GALNT13: variants seen among roughly 807,000 people sequenced by gnomAD.
GALNT13 encodes the protein UDP-GalNAc:polypeptide N-acetylgalactosaminyltransferase 13.
GALNT13 carries 28 observed loss-of-function variants against 64.2 expected under a neutral mutation model. That is an observed-to-expected ratio of 0.44 (90% CI 0.32 to 0.60). The LOEUF (loss-of-function observed/expected upper bound fraction) is 0.60. GALNT13 is among the 20% of genes least tolerant of loss of function. The pLI is 0.05. For synonymous variants in GALNT13, 214 were observed against 224.6 expected (o/e 0.95, Z 0.42); for missense variants, 577 against 669.8 (o/e 0.86, Z 1.53).
chr2:153,149,618 C>G, the GALNT13 span, among the ~76,000 whole-genome samples: 71 of 151,902 alleles, frequency 4.7e-4, no homozygotes, highest in Middle Eastern at 3.4e-3. Flanking sequence ...GAGATCCTTT[C>G]AACACTCATT....
chr2:153,626,770 C>G, the GALNT13 span, among the ~76,000 whole-genome samples: 1 of 151,974 alleles, frequency 6.6e-6, no homozygotes. Context: ...TAAAACAAAA[C>G]AAAAACAAGA....
the GALNT13 span, among the ~76,000 whole-genome samples, chr2:153,834,938 A>T: frequency 1.3e-5 from 2 of 152,110 alleles, no homozygotes; most frequent in African/African-American, 4.8e-5. Flanking sequence ...TTGAACAACC[A>T]TGAAGTATGA....
chr2:153,774,216 ATAC>A, the GALNT13 span, among the ~76,000 whole-genome samples: 6 of 152,088 alleles, frequency 3.9e-5, no homozygotes, highest in Non-Finnish European at 5.9e-5. Flanking sequence ...TACATCATAA[ATAC>A]TAAATCATAA....
At position 154,340,702 on chromosome 2, in the gene GALNT13, T is replaced by C. The variant is rs1695713054; in HGVS notation, c.1156+39113T>C. On this transcript the variant is annotated intron_variant, in intron 9 of 12. Transcript: ENST00000392825. ...TATGACAAAGTCCATGGGACAAAAATAAATATGTAAATGTAATTGAGTTAT... is the reference window on the plus strand; with the variant it reads ...TATGACAAAGTCCATGGGACAAAAACAAATATGTAAATGTAATTGAGTTAT... Among the ~76,000 whole-genome samples the C allele has an allele frequency of 2.6e-5, 4 of 152,076 alleles. No homozygotes were observed. The South Asian group carries it at 8.3e-4, about 31-fold the overall frequency.
chr2:153,362,001 C>T, the GALNT13 span, among the ~76,000 whole-genome samples: 5 of 152,104 alleles, frequency 3.3e-5, no homozygotes, highest in East Asian at 5.8e-4. Flanking sequence ...AAGGGAAGCC[C>T]ATCAGACTAA....
At chr2:153,907,672 G>A (rs1163794730) in intron 2 of GALNT13, among the ~76,000 whole-genome samples, 1 of 151,970 alleles carries the variant, frequency 6.6e-6, no homozygotes, top group African/African-American at 2.4e-5. Context: ...TTCTGTTCCT[G>A]CCTTGGTTTG....
the GALNT13 span, among the ~76,000 whole-genome samples, chr2:153,097,938 C>T: frequency 6.6e-6 from 1 of 152,084 alleles, no homozygotes; most frequent in South Asian, 2.1e-4. Context: ...TGGTCGTGGG[C>T]ACCTGTAGTC....
chr2:153,388,105 G>A, the GALNT13 span, among the ~76,000 whole-genome samples: 1 of 151,772 alleles, frequency 6.6e-6, no homozygotes, highest in Non-Finnish European at 1.5e-5. Context: ...GAAGGGAAAG[G>A]GAAAATATAG....
chr2:153,125,408 G>A, the GALNT13 span, among the ~76,000 whole-genome samples: 2 of 152,166 alleles, frequency 1.3e-5, no homozygotes, highest in Non-Finnish European at 1.5e-5. Flanking sequence ...GGACAAAAGC[G>A]ATGTCTTTTA....
At chr2:154,004,752 G>A (rs1696139583) in intron 3 of GALNT13, among the ~76,000 whole-genome samples, 1 of 151,996 alleles carries the variant, frequency 6.6e-6, no homozygotes, top group Non-Finnish European at 1.5e-5. Flanking sequence ...CTTTTCTATT[G>A]GTGAGAAACA....
the GALNT13 span, among the ~76,000 whole-genome samples, chr2:153,174,847 G>C: frequency 6.6e-6 from 1 of 152,022 alleles, no homozygotes; most frequent in African/African-American, 2.4e-5. Flanking sequence ...GGCAATGCAG[G>C]CTTTCTCTAC....
the GALNT13 span, among the ~76,000 whole-genome samples, chr2:153,664,470 A>C: frequency 1.2e-4 from 18 of 152,168 alleles, no homozygotes; most frequent in African/African-American, 4.3e-4. Flanking sequence ...TTGTTCAAAC[A>C]CACAGGTTTT....
the GALNT13 span, among the ~76,000 whole-genome samples, chr2:153,672,764 G>T: frequency 1.5e-5 from 2 of 136,192 alleles, no homozygotes; most frequent in Non-Finnish European, 3.2e-5. Context: ...AATGAATCCA[G>T]GAGGTGTTTT....
At chr2:154,168,555 C>G (rs1440595821) in intron 4 of GALNT13, among the ~76,000 whole-genome samples, 2 of 151,620 alleles carry the variant, frequency 1.3e-5, no homozygotes, top group Non-Finnish European at 2.9e-5. Flanking sequence ...AGAGATTTGG[C>G]CGGGTGTAGT....
In GALNT13 at chr2:154,256,987, G is replaced by A. The variant is rs370629061; in HGVS notation, c.858-2034G>A. On this transcript the variant is annotated intron_variant, in intron 7 of 12. Coordinates refer to ENST00000392825, the MANE Select transcript of GALNT13 (RefSeq NM_052917.4). ...CAGGGCAGTTAACTTAGAACAGAACGTGTTGCATAACATTGGCTATGGCTA... is the reference window on the plus strand; with the variant it reads ...CAGGGCAGTTAACTTAGAACAGAACATGTTGCATAACATTGGCTATGGCTA... Among the ~76,000 whole-genome samples the A allele has an allele frequency of 3.3e-5, 5 of 152,046 alleles. No individual in the cohort carries two copies. The East Asian group carries it at 5.8e-4, about 18-fold the overall frequency.
At chr2:154,306,333 A>T (rs1388416965) in intron 9 of GALNT13, among the ~76,000 whole-genome samples, 1 of 151,496 alleles carries the variant, frequency 6.6e-6, no homozygotes, top group Non-Finnish European at 1.5e-5. Flanking sequence ...CTGGTGTGTG[A>T]TGTTCCCCTC....
At chr2:153,435,691 C>CTT in the GALNT13 span, among the ~76,000 whole-genome samples, 12 of 151,894 alleles carry the variant, frequency 7.9e-5, no homozygotes, top group South Asian at 1.2e-3. Flanking sequence ...TATCCTGAGA[C>CTT]TGCTGAAGTT....
intron 4 of GALNT13, 79 bp downstream of exon 4, chr2:154,140,584 A>G: frequency 1.0e-6 from 1 of 985,794 alleles, no homozygotes; most frequent in Non-Finnish European, 1.5e-6. Context: ...GCTAACTCAG[A>G]TTATATCAAT....
intron 8 of GALNT13, among the ~76,000 whole-genome samples, chr2:154,264,974 A>G (rs1308317705): frequency 6.7e-6 from 1 of 149,098 alleles, no homozygotes; most frequent in African/African-American, 2.5e-5. Flanking sequence ...ATATGATAAA[A>G]AAAAATATAT....
Sources: allele counts gnomAD v4.1 joint callset (sites outside exome capture counted in the v4.1 genomes callset), GRCh38; gene constraint gnomAD v4.1.1; transcripts MANE v1.5; gene names NCBI Gene and HGNC (gene_info 2026-07-23, HGNC 2026-07-21).